The following CFAP46 variants were observed in gnomAD, a reference collection of about 807,000 sequenced individuals.
CFAP46 encodes the protein cilia- and flagella-associated protein 46.
A neutral mutation model predicts 325.7 loss-of-function variants in CFAP46; 245 were observed. That is an observed-to-expected ratio of 0.75 (90% CI 0.68 to 0.84). The LOEUF (loss-of-function observed/expected upper bound fraction) is 0.84. Ranked by LOEUF, CFAP46 falls within the 40% of genes least tolerant of loss-of-function variation. The pLI is 0.00. For synonymous variants in CFAP46, 1,523 were observed against 1,495.9 expected (o/e 1.02, Z -0.42); for missense variants, 3,346 against 3,543.0 (o/e 0.94, Z 1.41).
chr10:132,898,468 C>T (rs749470851), intron 24 of CFAP46: 48 of 280,304 alleles, frequency 1.7e-4, no homozygotes, highest in Non-Finnish European at 2.8e-4. Context: ...CTCCTTCAAC[C>T]GTCCTCCCTG....
intron 31 of CFAP46, among the ~76,000 whole-genome samples, chr10:132,874,922 T>C (rs2072580235): frequency 6.6e-6 from 1 of 152,034 alleles, no homozygotes; most frequent in Non-Finnish European, 1.5e-5. Flanking sequence ...TGCCAGAATA[T>C]AAGGCAAGGT....
Position 132,939,525 on chromosome 10 carries a change from G to A in CFAP46, c.372-772C>T, listed in dbSNP as rs1308606637. 1.3e-5 allele frequency among the ~76,000 whole-genome samples: 2 copies of A among 152,200 alleles called. No homozygotes were observed. The highest frequency in any genetic ancestry group is 2.9e-5 in the Non-Finnish European group (2 of 68,030). ...TGTGGTCCTGGGCCGGCCACCAGGT[G>A]GACCAGCACTGCTCAATGCCCAGGT... On this transcript the variant is annotated intron_variant, in intron 4 of 57. Coordinates refer to ENST00000368586, the MANE Select transcript of CFAP46 (RefSeq NM_001200049.3). This position sits in a 1 kb window ranked among gnomAD's most constrained non-coding sequence, Gnocchi z 4.6.
Position 132,847,074 on chromosome 10 carries a change from G to C in CFAP46, c.6125C>G (p.Ala2042Gly). 1.2e-6 allele frequency: 2 copies of C among 1,612,360 alleles called. No homozygotes were observed. The highest frequency in any genetic ancestry group is 1.7e-6 in the Non-Finnish European group (2 of 1,179,782). ...MVLAQQYLAQ[A>G]SEVLLQCLQV... is the part of the protein sequence containing the mutation. The stretch of plus-strand genomic sequence containing the variant: ...TAGGCACTGCAGCAGCACCTCTGAC[G>C]CCTGAGCCAGGTACTGCTGGGCCAG... Residue 2042 changes from alanine (A) to glycine (G), a missense_variant, in exon 43 of 58, where the codon GCG becomes GGG. Transcript: ENST00000368586. This position sits in a 1 kb window ranked among gnomAD's most constrained non-coding sequence, Gnocchi z 5.2.
chr10:132,942,381 C>CCCGGGGCCTCCCCGGGGCGGGGGTG, intron 1 of CFAP46, 55 bp downstream of exon 1: 1 of 1,336,970 alleles, frequency 7.5e-7, no homozygotes, highest in Non-Finnish European at 9.6e-7. Flanking sequence ...GGGCGGGGGT[C>CCCGGGGCCTCCCCGGGGCGGGGGTG]GTGGCGGGTC....
At chr10:132,891,921 G>A (rs1849259247) in intron 25 of CFAP46, among the ~76,000 whole-genome samples, 1 of 152,172 alleles carries the variant, frequency 6.6e-6, no homozygotes, top group Non-Finnish European at 1.5e-5. Context: ...ATGCATTGAT[G>A]TCTCTGCCTG....
In CFAP46 at chr10:132,938,692, T is replaced by G. The variant is rs751958680; in HGVS notation, c.433A>C (p.Lys145Gln). ...ATCAGATGGTGACGATATCCAGGCT[T>G]GAGGAACGGCCTCACCATCTGCCAG... ...LYWQMVRPFL[K>Q]PGYRHHLIPS... Residue 145 changes from lysine to glutamine, a missense_variant, in exon 5 of 58, where the codon AAG becomes CAG. Transcript: ENST00000368586. 1.2e-6 allele frequency: 2 copies of G among 1,613,636 alleles called. No individual in the cohort carries two copies. The highest frequency in any genetic ancestry group is 3.3e-5 in the Admixed American group (2 of 60,024).
intron 8 of CFAP46, among the ~76,000 whole-genome samples, chr10:132,930,290 A>G (rs1849873675): frequency 6.6e-6 from 1 of 150,558 alleles, no homozygotes; most frequent in Non-Finnish European, 1.5e-5. Context: ...CCCCACACAG[A>G]GCCCGAACCT....
chr10:132,820,693 GC>G (rs1305907489), intron 50 of CFAP46, among the ~76,000 whole-genome samples: 1 of 95,526 alleles, frequency 1.0e-5, no homozygotes, highest in Non-Finnish European at 2.5e-5. Flanking sequence ...TGCTGTGTGT[GC>G]TGATGTGTGC....
intron 50 of CFAP46, 88 bp from the exon 51 acceptor site, chr10:132,815,002 A>G: frequency 1.7e-6 from 2 of 1,159,054 alleles, no homozygotes; most frequent in Non-Finnish European, 2.5e-6. Flanking sequence ...CATGTTATGC[A>G]AATTTCACTT....
Position 132,885,890 on chromosome 10 carries a change from T to C in CFAP46, c.3374A>G (p.Asp1125Gly). 6.5e-7 allele frequency: 1 copy of C among 1,549,954 alleles called. No individual in the cohort carries two copies. Among genetic ancestry groups the C allele is most frequent in the African/African-American group, 1.4e-5 (1 of 73,088 alleles). The change falls in exon 26 of 58, where the codon GAC becomes GGC. Residue 1125 changes from aspartate (D) to glycine (G), a missense_variant. Physicochemically the swap from Asp to Gly is moderately conservative, Grantham distance 94 (BLOSUM62 -1). Coordinates refer to ENST00000368586, the MANE Select transcript of CFAP46 (RefSeq NM_001200049.3). Reference sequence around the variant, plus strand: ...CACCTTGAGGCCGCCCTCCCAGTCGTCCTGGTCGGCATGGCTGTGGAAGAG... The same window carrying C: ...CACCTTGAGGCCGCCCTCCCAGTCGCCCTGGTCGGCATGGCTGTGGAAGAG... Reference protein sequence around the residue: ...GLLFHSHADQDDWEGGLKVLD... With the variant: ...GLLFHSHADQGDWEGGLKVLD...
chr10:132,821,331 GA>G (rs1847817064), intron 50 of CFAP46, among the ~76,000 whole-genome samples: 4 of 118,956 alleles, frequency 3.4e-5, no homozygotes, highest in Admixed American at 7.6e-5. Context: ...TGTGAGTGCT[GA>G]TGTGTGCTGT....
rs537695027 is a variant in CFAP46 at position 132,906,406 on chromosome 10, C to G, written c.2924+2062G>C. Among the ~76,000 whole-genome samples, 8 of 152,384 alleles carry G rather than the reference C, an allele frequency of 5.2e-5. 1 individual carries two copies. Among genetic ancestry groups the G allele is most frequent in the African/African-American group, 1.7e-4 (7 of 41,592 alleles). On this transcript the variant is annotated intron_variant, in intron 22 of 57. Coordinates refer to ENST00000368586, the MANE Select transcript of CFAP46 (RefSeq NM_001200049.3). ...TGCCTGCCCATTTCCTGCTCTAGAG[C>G]CTGGGAACAGTAGTGCCTGCCAACC...
chr10:132,885,012 A>G (rs1591071254), intron 27 of CFAP46, 91 bp downstream of exon 27: 2 of 1,381,088 alleles, frequency 1.4e-6, no homozygotes, highest in African/African-American at 1.5e-5. Context: ...GCTGCCCCAC[A>G]CCAGGTCCCT....
In CFAP46 at chr10:132,835,335, T is replaced by A; in HGVS notation, c.6713A>T (p.Tyr2238Phe). 6.2e-7 allele frequency: 1 copy of A among 1,613,522 alleles called. No homozygotes were observed. The highest frequency in any genetic ancestry group is 8.5e-7 in the Non-Finnish European group (1 of 1,179,910). Residue 2238 changes from tyrosine to phenylalanine, a missense_variant, in exon 47 of 58, where the codon TAC (tyrosine) becomes TTC (phenylalanine). Physicochemically the swap from Tyr to Phe is conservative, Grantham distance 22. Transcript: ENST00000368586. ...QFRKQTQAQV[Y>F]SEDMALNIGS... ...TATGTTCAGGGCCATGTCCTCACTG[T>A]ACACCTGGGCCTGGGTCTGCTTCCG...
At chr10:132,926,052 G>A (rs1263184472) in intron 10 of CFAP46, among the ~76,000 whole-genome samples, 1 of 152,248 alleles carries the variant, frequency 6.6e-6, no homozygotes, top group Non-Finnish European at 1.5e-5. Flanking sequence ...AGGATTCCTA[G>A]TTCCTTTCCT....
At chr10:132,937,236 T>A in intron 6 of CFAP46, 181 bp from the exon 7 acceptor site, 1 of 532,236 alleles carries the variant, frequency 1.9e-6, no homozygotes, top group African/African-American at 1.9e-5. Flanking sequence ...TACATATTCT[T>A]GTAGTAATTA....
rs1052979159 is a variant in CFAP46, at chr10:132,847,984, C to A, written c.5953-663G>T. ...CACGCTGGAGGCAGGGCAGCCGTGG[C>A]CACCTGACACGCACGGCTGCCTGAC... On this transcript the variant is annotated intron_variant, in intron 41 of 57. Transcript: ENST00000368586. The surrounding 1 kb of genome is among the most constrained non-coding windows in gnomAD (Gnocchi z 5.2). Among the ~76,000 whole-genome samples the A allele has an allele frequency of 2.0e-5, 3 of 152,118 alleles. No homozygotes were observed. Among genetic ancestry groups the A allele is most frequent in the African/African-American group, 7.2e-5 (3 of 41,440 alleles).
rs777911836 is a variant in CFAP46, at chr10:132,920,050, C to G, written c.1730+9G>C. On this transcript the variant is annotated intron_variant, in intron 14 of 57. Transcript: ENST00000368586. ...CTGTGCGTGGCGCTCTGGCCTTTTC[C>G]TCACTCACCTCTCCTTGTCGTTTTC... is the stretch of plus-strand genomic sequence containing the variant. The G allele has an allele frequency of 1.3e-5, 20 of 1,534,292 alleles. No homozygotes were observed. The highest frequency in any genetic ancestry group is 1.8e-5 in the Non-Finnish European group (20 of 1,139,558).
chr10:132,876,308 G>T lies in CFAP46; in HGVS notation c.4362+504C>A, dbSNP rs2135336766. Among the ~76,000 whole-genome samples the T allele has an allele frequency of 6.6e-6, 1 of 152,382 alleles. No individual in the cohort carries two copies. Among genetic ancestry groups the T allele is most frequent in the Admixed American group, 6.5e-5 (1 of 15,310 alleles). ...GCACCAAACACCGCAGGTGGAGATG[G>T]TCCAGGTGTGCCCTAAATGCAATTC... On this transcript the variant is annotated intron_variant, in intron 31 of 57. Coordinates refer to ENST00000368586, the MANE Select transcript of CFAP46 (RefSeq NM_001200049.3). The surrounding 1 kb of genome is among the most constrained non-coding windows in gnomAD (Gnocchi z 4.1).
Sources: allele counts gnomAD v4.1 joint callset (sites outside exome capture counted in the v4.1 genomes callset), GRCh38; gene constraint gnomAD v4.1.1; non-coding constraint Gnocchi (gnomAD v3.1); transcripts MANE v1.5; gene names NCBI Gene and HGNC (gene_info 2026-07-23, HGNC 2026-07-21).